VNN2: variants seen among roughly 807,000 people sequenced by gnomAD.
The protein encoded by VNN2 is vanin 2, also known as pantetheine hydrolase VNN2.
In VNN2, 43 loss-of-function variants were observed where a neutral mutation model predicts 43.0. That is an observed-to-expected ratio of 1.00 (90% CI 0.78 to 1.29). VNN2 has a LOEUF of 1.29. Ranked by LOEUF, VNN2 falls within the 50% of genes most tolerant of loss-of-function variation. The pLI is 0.00. For missense variants in VNN2, 652 were observed against 619.7 expected (o/e 1.05, Z -0.55); for synonymous variants, 230 against 224.3 (o/e 1.03, Z -0.23).
At chr6:132,758,036 CTTCTTTTTTTTTTTTTTTT>C, upstream of VNN2, 1 of 68,904 alleles carries the variant, frequency 1.5e-5, no homozygotes. Context: ...TCTTCTTCTT[CTTCTTTTTTTTTTTTTTTT>C]TTTTTTTTGA....
upstream of VNN2, chr6:132,758,132 C>T (rs1780620147): frequency 2.9e-6 from 1 of 348,944 alleles, no homozygotes. Context: ...ACAACTTCCA[C>T]CTCCCAGGTT....
rs1396030635 is a variant in VNN2, at chr6:132,745,301, C to T, written c.1372-810G>A. On this transcript the variant is annotated intron_variant, in intron 6 of 6. Coordinates refer to ENST00000326499, the MANE Select transcript of VNN2 (RefSeq NM_004665.6). ...CATGATCTTGGCTCACTGCAACCTC[C>T]GCCTGCTGGGTTCAAGTGATTCTCC... Among the ~76,000 whole-genome samples, 6 of 152,172 alleles carry T rather than the reference C, an allele frequency of 3.9e-5. 1 individual carries two copies. The highest frequency in any genetic ancestry group is 6.5e-5 in the Admixed American group (1 of 15,276).
Position 132,755,874 on chromosome 6 carries a change from GT to G in VNN2, c.505del (p.Thr169GlnfsTer29), listed in dbSNP as rs773888462. 3.1e-6 allele frequency: 5 copies of G among 1,613,760 alleles called. No individual in the cohort carries two copies. In the East Asian group the frequency reaches 6.7e-5, roughly 22 times the overall value. ...FQYNTNVVYNTEGKLVARYHK... is the reference protein window; with the variant it reads ...FQYNTNVVYNXEGKLVARYHK... ...GTAACGTGCCACGAGTTTTCCTTCT[GT>G]ATTATACACCACATTGGTATTGTAT... On this transcript the variant is annotated frameshift_variant, in exon 3 of 7. Coordinates refer to ENST00000326499, the MANE Select transcript of VNN2 (RefSeq NM_004665.6). LOFTEE classifies it high-confidence loss of function.
At chr6:132,759,171 T>C (rs1780667249), upstream of VNN2, among the ~76,000 whole-genome samples, 2 of 152,120 alleles carry the variant, frequency 1.3e-5, no homozygotes, top group African/African-American at 2.4e-5. Context: ...GTGCAGTGGC[T>C]CATGCCTGTA....
chr6:132,763,325 T>A (rs1419596257), intron 1 of VNN2: 1 of 152,242 alleles, frequency 6.6e-6, no homozygotes, highest in East Asian at 1.9e-4. Flanking sequence ...CTTGTTTATT[T>A]TCAGTGAGCA....
chr6:132,751,217 T>C lies in VNN2; in HGVS notation c.1128A>G (p.Lys376=), dbSNP rs776914530. Residue 376 remains lysine, a synonymous_variant, in exon 5 of 7, where the codon AAA becomes AAG. Transcript: ENST00000326499. ...CTAGAACGTATACTTCATTCTCTTC[T>C]TTTTGTAACATTCTGTAGCTTAAAT... The part of the protein sequence containing the change: ...CCHLSYRMLQ[K]EENEVYVLGA... 9 of 1,614,068 alleles carry C rather than the reference T, an allele frequency of 5.6e-6. No individual in the cohort carries two copies. The South Asian group carries it at 9.9e-5, about 18-fold the overall frequency.
rs1187488546 is a variant in VNN2, at chr6:132,751,396, C to T, written c.949G>A (p.Ala317Thr). 2 of 1,614,044 alleles carry T rather than the reference C, an allele frequency of 1.2e-6. No homozygotes were observed. The highest frequency in any genetic ancestry group is 2.2e-5 in the East Asian group (1 of 44,900). Reference sequence around the variant, plus strand: ...GTGGCGTAGGCATTCCAATTAACAGCTGTTGGGTAGGCAAGCGAGGATAGG... The same window carrying T: ...GTGGCGTAGGCATTCCAATTAACAGTTGTTGGGTAGGCAAGCGAGGATAGG... ...HPLSSLAYPT[A>T]VNWNAYATTI... The change falls in exon 5 of 7, where the codon GCT (alanine) becomes ACT (threonine). Residue 317 changes from alanine (A) to threonine (T), a missense_variant. Coordinates refer to ENST00000326499, the MANE Select transcript of VNN2 (RefSeq NM_004665.6).
chr6:132,754,886 G>A (rs1004397755), intron 3 of VNN2, among the ~76,000 whole-genome samples: 2 of 152,188 alleles, frequency 1.3e-5, no homozygotes, highest in Non-Finnish European at 2.9e-5. Flanking sequence ...ATAGTATTTA[G>A]ATTATGGCTG....
upstream of VNN2, among the ~76,000 whole-genome samples, chr6:132,762,503 G>A (rs756646285): frequency 7.2e-5 from 11 of 152,142 alleles, no homozygotes; most frequent in Non-Finnish European, 1.6e-4. Context: ...AAAGAAAAAC[G>A]TTTCTGTCTC....
chr6:132,753,284 CA>C (rs1384997674), intron 3 of VNN2: 1 of 264,792 alleles, frequency 3.8e-6, no homozygotes, highest in Non-Finnish European at 7.7e-6. Flanking sequence ...CTGGGCCTCC[CA>C]AAGTGCTGGG....
Position 132,752,322 on chromosome 6 carries a change from C to T in VNN2, c.826+139G>A, listed in dbSNP as rs1780156887. On this transcript the variant is annotated intron_variant, in intron 4 of 6. Coordinates refer to ENST00000326499, the MANE Select transcript of VNN2 (RefSeq NM_004665.6). ...ACCATAGCTTATAATCAAGTGCTAG[C>T]TTTTTTTTTCTATTGTGAAACTATG... 7 of 985,926 alleles carry T rather than the reference C, an allele frequency of 7.1e-6. No individual in the cohort carries two copies. In the Admixed American group the frequency reaches 1.8e-4, roughly 25 times the overall value. 61.1% of individuals were successfully genotyped at this position (985,926 alleles called of 1,614,324 possible).
At chr6:132,755,330 T>C (rs1307104745) in intron 3 of VNN2, among the ~76,000 whole-genome samples, 6 of 151,882 alleles carry the variant, frequency 4.0e-5, no homozygotes, top group African/African-American at 1.4e-4. Context: ...CTACATGTTT[T>C]TCTGAGTAGT....
upstream of VNN2, chr6:132,758,023 TCTTCTTCTTCTTC>T (rs138217414): frequency 0.046 from 7,807 of 169,012 alleles, 716 homozygotes; most frequent in Middle Eastern, 0.072. Context: ...TTCTTCTTCT[TCTTCTTCTTCTTC>T]TTCTTTTTTT....
Position 132,757,417 on chromosome 6 carries a change from T to TTA in VNN2, c.342_343insTA (p.Arg115Ter). 1.2e-6 allele frequency: 2 copies of TTA among 1,601,176 alleles called. No individual in the cohort carries two copies. The highest frequency in any genetic ancestry group is 1.7e-6 in the Non-Finnish European group (2 of 1,175,876). ...AAAAGACTAAGATAGTTAAAATACC[T>TTA]GTGGGGGTCTTGACACGGAATCCAG... On this transcript the variant is annotated frameshift_variant and splice_region_variant, in exon 2 of 7. Coordinates refer to ENST00000326499, the MANE Select transcript of VNN2 (RefSeq NM_004665.6). LOFTEE classifies it high-confidence loss of function.
upstream of VNN2, chr6:132,760,682 T>C (rs1331161261): frequency 6.6e-6 from 1 of 152,058 alleles, no homozygotes; most frequent in Non-Finnish European, 1.5e-5. Flanking sequence ...ACTCTTTTGC[T>C]TTTAAGTAGT....
intron 3 of VNN2, 110 bp downstream of exon 3, chr6:132,755,733 A>G: frequency 8.4e-7 from 1 of 1,187,014 alleles, no homozygotes; most frequent in East Asian, 2.6e-5. Context: ...ACAAAACAAA[A>G]AAACCCTCTA....
intron 4 of VNN2, among the ~76,000 whole-genome samples, chr6:132,752,130 A>G (rs1780147524): frequency 6.6e-6 from 1 of 152,220 alleles, no homozygotes; most frequent in Admixed American, 6.5e-5. Flanking sequence ...GGCAAGATAT[A>G]GAGGCTTCCA....
upstream of VNN2, chr6:132,757,925 T>C (rs1392773691): frequency 8.9e-6 from 14 of 1,566,638 alleles, no homozygotes; most frequent in South Asian, 1.1e-5. Flanking sequence ...ATAACATTCA[T>C]GTAGTATTTA....
Position 132,751,310 on chromosome 6 carries a change from C to T in VNN2, c.1035G>A (p.Gly345=), listed in dbSNP as rs764088883. Reference sequence around the variant, plus strand: ...TTTCAAAAAGTTCTGTGAAGTTGAACCCATCCCTGGAAATAAATCCCCTGA... The same window carrying T: ...TTTCAAAAAGTTCTGTGAAGTTGAATCCATCCCTGGAAATAAATCCCCTGA... ...NTFRGFISRD[G]FNFTELFENA... Residue 345 remains glycine, a synonymous_variant, in exon 5 of 7, where the codon GGG becomes GGA. Transcript: ENST00000326499. The T allele has an allele frequency of 8.7e-6, 14 of 1,613,988 alleles. 1 individual carries two copies. In the South Asian group the frequency reaches 1.3e-4, roughly 15 times the overall value.
Sources: gnomAD v4.1 joint callset for allele counts (sites outside exome capture counted in the v4.1 genomes callset) on GRCh38, gnomAD v4.1.1 for gene constraint, MANE v1.5 for transcripts, NCBI Gene and HGNC (gene_info 2026-07-23, HGNC 2026-07-21) for gene names.